MAP2: variants seen among roughly 807,000 people sequenced by gnomAD.
MAP2 encodes microtubule associated protein 2, also known as microtubule-associated protein 2.
Under a neutral mutation model 137.6 loss-of-function variants are expected in MAP2, and 14 were observed. The ratio of observed to expected loss-of-function variants is 0.10; its 90% CI spans 0.07 to 0.16. MAP2 has a LOEUF of 0.16. Among genes scored for constraint, MAP2 ranks in the 10% least tolerant of loss-of-function variants. The probability of loss-of-function intolerance (pLI) is 1.00; values close to 1 mark genes in which losing one functional copy is unlikely to be tolerated. For synonymous variants in MAP2, 786 were observed against 782.3 expected, an observed-to-expected ratio of 1.00 and a Z score of -0.08; for missense variants, 2,088 against 2,191.5, an observed-to-expected ratio of 0.95 and a Z score of 0.94.
chr2:209,560,742 C>G (rs1455122069), intron 2 of MAP2, among the ~76,000 whole-genome samples: 1 of 152,008 alleles, frequency 6.6e-6, no homozygotes, highest in African/African-American at 2.4e-5. Flanking sequence ...GTTTTACTTT[C>G]TATGATTCTA....
chr2:209,711,037 T>C (rs1175454735), intron 13 of MAP2, among the ~76,000 whole-genome samples: 1 of 152,186 alleles, frequency 6.6e-6, no homozygotes, highest in Non-Finnish European at 1.5e-5. Context: ...TTAATGTTTA[T>C]CTCATAATAT....
intron 2 of MAP2, among the ~76,000 whole-genome samples, chr2:209,533,713 G>C (rs867179508): frequency 6.6e-6 from 1 of 152,180 alleles, no homozygotes; most frequent in Non-Finnish European, 1.5e-5. Context: ...CAGATATACA[G>C]AATTGTCTCG....
intron 4 of MAP2, among the ~76,000 whole-genome samples, chr2:209,649,822 C>G (rs1184637306): frequency 6.6e-6 from 1 of 152,056 alleles, no homozygotes; most frequent in Non-Finnish European, 1.5e-5. Flanking sequence ...TTTAGGTAAT[C>G]GTTTTGATTT....
chr2:209,594,511 C>T (rs1579723216), intron 3 of MAP2, among the ~76,000 whole-genome samples: 1 of 152,080 alleles, frequency 6.6e-6, no homozygotes, highest in Non-Finnish European at 1.5e-5. Flanking sequence ...AAACACGTTT[C>T]CCTGGTGTTT....
chr2:209,548,506 A>G (rs2068524283), intron 2 of MAP2, among the ~76,000 whole-genome samples: 1 of 152,370 alleles, frequency 6.6e-6, no homozygotes, highest in African/African-American at 2.4e-5. Context: ...TCATTTTCAG[A>G]TGTCATAGAA....
chr2:209,498,416 G>A (rs1228206285), intron 1 of MAP2, among the ~76,000 whole-genome samples: 1 of 152,168 alleles, frequency 6.6e-6, no homozygotes, highest in Non-Finnish European at 1.5e-5. Context: ...GATACAAGCT[G>A]CTGGTCTGAG....
intron 1 of MAP2, among the ~76,000 whole-genome samples, chr2:209,488,456 A>AG (rs1457295946): frequency 6.6e-6 from 1 of 152,148 alleles, no homozygotes; most frequent in African/African-American, 2.4e-5. Context: ...TCCCCTGGAA[A>AG]GGGGGGCTGA....
chr2:209,524,548 C>T (rs1016706517), intron 2 of MAP2, among the ~76,000 whole-genome samples: 3 of 151,828 alleles, frequency 2.0e-5, no homozygotes, highest in Non-Finnish European at 4.4e-5. Context: ...GTAATACATG[C>T]AATACACTAT....
intron 14 of MAP2, among the ~76,000 whole-genome samples, chr2:209,729,319 G>A (rs540019318): frequency 7.9e-5 from 12 of 152,220 alleles, no homozygotes; most frequent in Admixed American, 2.6e-4. Flanking sequence ...CTTACCTCCC[G>A]ACTCATTTCA....
chr2:209,627,780 T>C (rs2092545651), intron 4 of MAP2, among the ~76,000 whole-genome samples: 1 of 152,180 alleles, frequency 6.6e-6, no homozygotes, highest in Admixed American at 6.5e-5. Context: ...CCACGAAGAT[T>C]AATTTAGTGA....
intron 1 of MAP2, among the ~76,000 whole-genome samples, chr2:209,482,747 C>T (rs1559218926): frequency 1.3e-5 from 2 of 152,186 alleles, no homozygotes; most frequent in Non-Finnish European, 2.9e-5. Flanking sequence ...GATTCAAACA[C>T]ATGGCCTCAG....
intron 3 of MAP2, among the ~76,000 whole-genome samples, chr2:209,604,058 A>T (rs533361170): frequency 6.6e-6 from 1 of 152,204 alleles, no homozygotes; most frequent in Non-Finnish European, 1.5e-5. Context: ...GTGTGTATTC[A>T]CTAGTTTGTA....
Position 209,693,736 on chromosome 2 carries a change from C to A in MAP2, c.1566C>A (p.Thr522=). 6.2e-7 allele frequency: 1 copy of A among 1,613,256 alleles called. No homozygotes were observed. ...MTSKTLEKAM[T]EPSALIEKSS... is the part of the protein sequence containing the mutation. Reference sequence around the variant, plus strand: ...CTAAAACACTGGAGAAAGCCATGACCGAACCATCTGCATTAATTGAAAAGA... The same window carrying A: ...CTAAAACACTGGAGAAAGCCATGACAGAACCATCTGCATTAATTGAAAAGA... Residue 522 remains threonine (T), a synonymous_variant, in exon 8 of 16, where the codon ACC becomes ACA. Transcript: ENST00000682079.
chr2:209,540,097 TAAAAAAAA>T (rs35280709), intron 2 of MAP2, among the ~76,000 whole-genome samples: 3,315 of 39,580 alleles, frequency 0.084, 178 homozygotes, highest in African/African-American at 0.25. Flanking sequence ...GGAGACGTTG[TAAAAAAAA>T]AAAAAAAAAA....
At chr2:209,710,523 A>G (rs1339940588) in intron 13 of MAP2, 1 of 408,648 alleles carries the variant, frequency 2.4e-6, no homozygotes, top group Non-Finnish European at 4.4e-6. Flanking sequence ...TTCTGAATGT[A>G]TCTCTATTGC....
intron 2 of MAP2, among the ~76,000 whole-genome samples, chr2:209,513,292 C>A (rs571874686): frequency 6.6e-6 from 1 of 152,104 alleles, no homozygotes; most frequent in East Asian, 1.9e-4. Context: ...TCACACATTT[C>A]TTATAGACTT....
At chr2:209,488,745 C>T (rs1399695141) in intron 1 of MAP2, among the ~76,000 whole-genome samples, 1 of 152,180 alleles carries the variant, frequency 6.6e-6, no homozygotes, top group Non-Finnish European at 1.5e-5. Flanking sequence ...TAGATTCCTC[C>T]TCTCTAGCCA....
intron 2 of MAP2, among the ~76,000 whole-genome samples, chr2:209,517,542 C>T (rs1485851953): frequency 6.6e-6 from 1 of 151,766 alleles, no homozygotes; most frequent in Non-Finnish European, 1.5e-5. Context: ...TCTTCATGTA[C>T]ATGTCATGGA....
intron 1 of MAP2, among the ~76,000 whole-genome samples, chr2:209,488,399 T>G (rs979839072): frequency 2.0e-5 from 3 of 152,094 alleles, no homozygotes; most frequent in Non-Finnish European, 2.9e-5. Flanking sequence ...GTTTTTTTTT[T>G]CATACCCCAG....
Sources: gnomAD v4.1 joint callset for allele counts (sites outside exome capture counted in the v4.1 genomes callset) on GRCh38, gnomAD v4.1.1 for gene constraint, MANE v1.5 for transcripts, NCBI Gene and HGNC (gene_info 2026-07-23, HGNC 2026-07-21) for gene names.